CFDP1: variants seen among roughly 807,000 people sequenced by gnomAD.
CFDP1 encodes the protein chromatin remodeling protein CFDP1, also known as heterochromatin-stabilizing protein CFDP1.
A neutral mutation model predicts 40.1 loss-of-function variants in CFDP1; 31 were observed. The ratio of observed to expected loss-of-function variants is 0.77; its 90% CI spans 0.58 to 1.04. CFDP1 has a LOEUF of 1.04. Among genes scored for constraint, CFDP1 ranks in the 50% least tolerant of loss-of-function variants. CFDP1 has a pLI of 0.00. For synonymous variants in CFDP1, 167 were observed against 120.0 expected (o/e 1.39, Z -2.56); for missense variants, 423 against 343.4 (o/e 1.23, Z -1.83).
intron 4 of CFDP1, among the ~76,000 whole-genome samples, chr16:75,405,644 A>C (rs1431368534): frequency 2.0e-5 from 3 of 151,950 alleles, no homozygotes; most frequent in Non-Finnish European, 2.9e-5. Context: ...CCAGCTACTC[A>C]GGAAGCTGAG....
rs914191969 is a variant in CFDP1, at chr16:75,395,206, T to G, written c.534A>C (p.Val178=). Residue 178 remains valine (V), a synonymous_variant, in exon 5 of 7, where the codon GTA becomes GTC. Transcript: ENST00000283882. ...TAGATGTAGCATCCACTTCCTTAGT[T>G]ACCCTGTGCCAAGGAAAAAGACATC... ...VFDFAGEEVR[V]TKEVDATSKE... is the part of the protein sequence containing the mutation. 1 of 1,613,056 alleles carries G rather than the reference T, an allele frequency of 6.2e-7. No individual in the cohort carries two copies. Among genetic ancestry groups the G allele is most frequent in the African/African-American group, 1.3e-5 (1 of 74,814 alleles).
chr16:75,294,961 T>C (rs547846053), intron 6 of CFDP1, among the ~76,000 whole-genome samples: 2 of 152,204 alleles, frequency 1.3e-5, no homozygotes, highest in South Asian at 4.1e-4. Context: ...CTCCTCACCA[T>C]AAAGCGTGCT....
chr16:75,371,194 C>G (rs996057256), intron 5 of CFDP1, among the ~76,000 whole-genome samples: 4 of 152,210 alleles, frequency 2.6e-5, no homozygotes, highest in Non-Finnish European at 5.9e-5. Context: ...AGCAGCATCT[C>G]AAACTTTTTA....
intron 1 of CFDP1, among the ~76,000 whole-genome samples, chr16:75,428,378 G>A (rs1457064742): frequency 6.6e-6 from 1 of 152,120 alleles, no homozygotes; most frequent in Non-Finnish European, 1.5e-5. Context: ...CACTTTGGGA[G>A]GCCGAAGCAA....
chr16:75,303,407 G>GTATGTATGTATGTATA lies in CFDP1; in HGVS notation c.809+1616_809+1617insTATACATACATACATA, dbSNP rs1233095039. ...TAAATAAATAAATAAATAAATGTATGTATGTATGTATGTATGTATGTTTAG... is the reference window on the plus strand; with the variant it reads ...TAAATAAATAAATAAATAAATGTATGTATGTATGTATGTATATATGTATGTATGTATGTATGTTTAG... On this transcript the variant is annotated intron_variant, in intron 6 of 6. Coordinates refer to ENST00000283882, the MANE Select transcript of CFDP1 (RefSeq NM_006324.3). Among the ~76,000 whole-genome samples the GTATGTATGTATGTATA allele has an allele frequency of 2.0e-5, 3 of 147,872 alleles. 1 individual carries two copies. Among genetic ancestry groups the GTATGTATGTATGTATA allele is most frequent in the Admixed American group, 1.3e-4 (2 of 14,962 alleles).
intron 5 of CFDP1, among the ~76,000 whole-genome samples, chr16:75,311,625 A>C (rs2151504017): frequency 6.6e-6 from 1 of 152,326 alleles, no homozygotes; most frequent in South Asian, 2.1e-4. Context: ...TCAACACGTG[A>C]AGGCTGGATT....
intron 2 of CFDP1, among the ~76,000 whole-genome samples, chr16:75,413,040 A>C (rs2079176437): frequency 6.6e-6 from 1 of 152,228 alleles, no homozygotes; most frequent in African/African-American, 2.4e-5. Context: ...TTTCACAAAG[A>C]AAACATCCAA....
intron 5 of CFDP1, among the ~76,000 whole-genome samples, chr16:75,345,951 A>G (rs2078560079): frequency 6.6e-6 from 1 of 152,226 alleles, no homozygotes; most frequent in Non-Finnish European, 1.5e-5. Flanking sequence ...AAGGTCTTCT[A>G]GATATGAGGT....
rs2078985844 is a variant in CFDP1, at chr16:75,395,143, T to C, written c.597A>G (p.Glu199=). Residue 199 remains glutamate, a synonymous_variant, in exon 5 of 7, where the codon GAA becomes GAG. Transcript: ENST00000283882. The part of the protein sequence containing the change: ...AKSFFKQNEK[E]KPQANVPSAL... ...CTGAAGGAACATTAGCCTGTGGTTT[T>C]TCTTTCTCATTCTGCTTGAAGAAGG... 1.9e-6 allele frequency: 3 copies of C among 1,613,968 alleles called. No individual in the cohort carries two copies. Among genetic ancestry groups the C allele is most frequent in the Non-Finnish European group, 8.5e-7 (1 of 1,179,914 alleles).
At chr16:75,366,017 A>G (rs995385134) in intron 5 of CFDP1, among the ~76,000 whole-genome samples, 4 of 152,214 alleles carry the variant, frequency 2.6e-5, no homozygotes, top group African/African-American at 9.6e-5. Context: ...ACCAGCCAGC[A>G]TATTTCACTC....
chr16:75,408,614 T>C (rs745712745), intron 4 of CFDP1, among the ~76,000 whole-genome samples: 11 of 151,680 alleles, frequency 7.3e-5, no homozygotes, highest in Non-Finnish European at 1.2e-4. Flanking sequence ...CCATATCTAC[T>C]AAAAATACAA....
intron 5 of CFDP1, among the ~76,000 whole-genome samples, chr16:75,344,498 T>C (rs2078548542): frequency 6.6e-6 from 1 of 152,226 alleles, no homozygotes; most frequent in African/African-American, 2.4e-5. Flanking sequence ...TTATAGCTTA[T>C]GTTCAGATAT....
chr16:75,332,413 A>C (rs958231706), intron 5 of CFDP1, among the ~76,000 whole-genome samples: 2 of 152,058 alleles, frequency 1.3e-5, no homozygotes, highest in Non-Finnish European at 2.9e-5. Flanking sequence ...TGCAGTGAGC[A>C]GAGATTGTGC....
At chr16:75,301,115 G>A (rs1020158870) in intron 6 of CFDP1, among the ~76,000 whole-genome samples, 1 of 152,154 alleles carries the variant, frequency 6.6e-6, no homozygotes, top group Non-Finnish European at 1.5e-5. Flanking sequence ...AGCGAGCACA[G>A]GACTCATGGA....
At chr16:75,300,423 G>T (rs1261157559) in intron 6 of CFDP1, among the ~76,000 whole-genome samples, 2 of 152,164 alleles carry the variant, frequency 1.3e-5, no homozygotes. Context: ...AAGTAGCTGG[G>T]ATTACAGGTG....
At chr16:75,356,630 C>A (rs767962925) in intron 5 of CFDP1, among the ~76,000 whole-genome samples, 1 of 152,146 alleles carries the variant, frequency 6.6e-6, no homozygotes, top group Non-Finnish European at 1.5e-5. Context: ...GCAAAAGAGC[C>A]ACCTTATCAC....
At chr16:75,386,573 A>T (rs529171383) in intron 5 of CFDP1, among the ~76,000 whole-genome samples, 13 of 152,280 alleles carry the variant, frequency 8.5e-5, no homozygotes, top group Admixed American at 7.8e-4. Flanking sequence ...AAAAATACAA[A>T]AATTAGCCGG....
chr16:75,323,396 C>G (rs948356936), intron 5 of CFDP1, among the ~76,000 whole-genome samples: 1 of 151,994 alleles, frequency 6.6e-6, no homozygotes, highest in African/African-American at 2.4e-5. Flanking sequence ...CTTATGGAAT[C>G]CTTCCTGAAG....
chr16:75,397,954 C>T (rs181709070), intron 4 of CFDP1, among the ~76,000 whole-genome samples: 1 of 152,352 alleles, frequency 6.6e-6, no homozygotes, highest in East Asian at 1.9e-4. Context: ...CATGTTTGTG[C>T]TGTTTCTCTT....
Sources: gnomAD v4.1 joint callset for allele counts (sites outside exome capture counted in the v4.1 genomes callset) on GRCh38, gnomAD v4.1.1 for gene constraint, MANE v1.5 for transcripts, NCBI Gene and HGNC (gene_info 2026-07-23, HGNC 2026-07-21) for gene names.